SLC6A2: variants seen among roughly 807,000 people sequenced by gnomAD.
SLC6A2 encodes the protein solute carrier family 6 member 2.
SLC6A2 carries 26 observed loss-of-function variants against 71.7 expected under a neutral mutation model. That is an observed-to-expected ratio of 0.36 (90% confidence interval 0.27 to 0.50). SLC6A2 has a LOEUF of 0.50. Ranked by LOEUF, SLC6A2 falls within the 20% of genes least tolerant of loss-of-function variation. The pLI is 0.96. For synonymous variants in SLC6A2, 363 were observed against 337.9 expected (o/e 1.07, Z -0.82); for missense variants, 581 against 803.9 (o/e 0.72, Z 3.35).
chr16:55,660,082 A>T (rs1434939801), intron 2 of SLC6A2, among the ~76,000 whole-genome samples: 9 of 152,146 alleles, frequency 5.9e-5, no homozygotes, highest in African/African-American at 1.9e-4. Flanking sequence ...GCTGCTTAGG[A>T]AGGGCTGGGA....
At chr16:55,665,045 G>A (rs1964711833) in intron 2 of SLC6A2, among the ~76,000 whole-genome samples, 1 of 152,156 alleles carries the variant, frequency 6.6e-6, no homozygotes, top group Admixed American at 6.5e-5. Flanking sequence ...CTGCAAGGCG[G>A]GTGGACATAG....
chr16:55,656,841 C>G lies in SLC6A2; in HGVS notation c.147C>G (p.Arg49=), dbSNP rs751589664. 1.2e-6 allele frequency: 2 copies of G among 1,613,596 alleles called. No homozygotes were observed. Among genetic ancestry groups the G allele is most frequent in the Non-Finnish European group, 1.7e-6 (2 of 1,179,812 alleles). ...GCGTCCAGTGCCTGCTGGCGCCCCGCGACGGCGACGCGCAGCCCCGGGAGA... is the reference window on the plus strand; with the variant it reads ...GCGTCCAGTGCCTGCTGGCGCCCCGGGACGGCGACGCGCAGCCCCGGGAGA... ...RNGVQCLLAP[R]DGDAQPRETW... The change falls in exon 2 of 15, where the codon CGC becomes CGG. Residue 49 remains arginine, a synonymous_variant. Transcript: ENST00000568943. This position sits in a 1 kb window ranked among gnomAD's most constrained non-coding sequence, Gnocchi z 4.5.
intron 4 of SLC6A2, among the ~76,000 whole-genome samples, chr16:55,672,637 C>T (rs1964959229): frequency 6.6e-6 from 1 of 152,162 alleles, no homozygotes; most frequent in Non-Finnish European, 1.5e-5. Flanking sequence ...CCAGGGCAGG[C>T]GATGAGCTGC....
chr16:55,669,123 C>T (rs1342383257), intron 2 of SLC6A2, among the ~76,000 whole-genome samples: 1 of 152,150 alleles, frequency 6.6e-6, no homozygotes, highest in Non-Finnish European at 1.5e-5. Flanking sequence ...GGCACTGTCT[C>T]TTTTTCTCTG....
Position 55,703,598 on chromosome 16 carries a change from G to A in SLC6A2, c.*1252G>A. 4 of 985,412 alleles carry A rather than the reference G, an allele frequency of 4.1e-6. No homozygotes were observed. The highest frequency in any genetic ancestry group is 4.7e-5 in the South Asian group (1 of 21,286). The allele number at this position is 985,412 out of a possible 1,614,324, so 61.0% of individuals were successfully genotyped here. A position where few individuals can be genotyped will look rare whatever the true frequency, so the allele number is the denominator to read the frequency against. On this transcript the variant is annotated 3_prime_UTR_variant, in exon 15 of 15. Coordinates refer to ENST00000568943, the MANE Select transcript of SLC6A2 (RefSeq NM_001172501.3). ...ACAAACTTGCACTTGGTGCCCTCTG[G>A]TGGTGTTTAGTTTTAGTTCCGTAAG...
At position 55,699,633 on chromosome 16, in the gene SLC6A2, C is replaced by T. The variant is rs1286567467; in HGVS notation, c.1569C>T (p.Phe523=). Residue 523 remains phenylalanine, a synonymous_variant, in exon 12 of 15, where the codon TTC becomes TTT. Transcript: ENST00000568943. ...TATACTGGAGACTGTGCTGGAAGTT[C>T]GTCAGTCCTGCCTTCCTCCTGGTGT... ...PGLYWRLCWK[F]VSPAFLLFVV... 3.7e-6 allele frequency: 6 copies of T among 1,613,442 alleles called. No homozygotes were observed. The highest frequency in any genetic ancestry group is 1.3e-5 in the African/African-American group (1 of 74,910).
intron 6 of SLC6A2, among the ~76,000 whole-genome samples, chr16:55,693,629 G>A (rs1454870631): frequency 2.0e-5 from 3 of 152,210 alleles, no homozygotes; most frequent in African/African-American, 7.2e-5. Flanking sequence ...AATGGTCCTC[G>A]CTTTCTGAAA....
Position 55,691,938 on chromosome 16 carries a change from G to A in SLC6A2, c.804G>A (p.Thr268=). 2 of 1,614,050 alleles carry A rather than the reference G, an allele frequency of 1.2e-6. No individual in the cohort carries two copies. The highest frequency in any genetic ancestry group is 1.7e-6 in the Non-Finnish European group (2 of 1,180,008). ...CCCAGGTGGTGTGGATCACAGCCAC[G>A]CTGCCTTACTTCGTGCTGTTCGTGC... is the stretch of plus-strand genomic sequence containing the variant. The part of the protein sequence containing the change: ...TSGKVVWITA[T]LPYFVLFVLL... The change falls in exon 6 of 15, where the codon ACG becomes ACA. Residue 268 remains threonine, a synonymous_variant. Transcript: ENST00000568943.
At chr16:55,692,775 C>T (rs1281203002) in intron 6 of SLC6A2, among the ~76,000 whole-genome samples, 4 of 152,166 alleles carry the variant, frequency 2.6e-5, no homozygotes, top group African/African-American at 9.7e-5. Flanking sequence ...TCCTGGCAGG[C>T]CCCAGCAGCA....
At chr16:55,675,395 T>C (rs1450186271) in intron 4 of SLC6A2, among the ~76,000 whole-genome samples, 1 of 152,242 alleles carries the variant, frequency 6.6e-6, no homozygotes, top group Non-Finnish European at 1.5e-5. Flanking sequence ...CTGCTTAAGA[T>C]CATAGAGTAA....
chr16:55,679,288 C>T (rs1567442125), intron 4 of SLC6A2, among the ~76,000 whole-genome samples: 1 of 151,182 alleles, frequency 6.6e-6, no homozygotes, highest in Non-Finnish European at 1.5e-5. Flanking sequence ...AGGGCAATGG[C>T]TCAATCTTGG....
chr16:55,659,473 C>T (rs1018037707), intron 2 of SLC6A2, among the ~76,000 whole-genome samples: 3 of 152,138 alleles, frequency 2.0e-5, no homozygotes, highest in Non-Finnish European at 4.4e-5. Context: ...GGCACTTTCT[C>T]CCGGGCTTGC....
At chr16:55,677,546 A>G (rs970446901) in intron 4 of SLC6A2, among the ~76,000 whole-genome samples, 1 of 152,128 alleles carries the variant, frequency 6.6e-6, no homozygotes, top group Non-Finnish European at 1.5e-5. Context: ...GACCCTACTT[A>G]CTTTAATTAC....
intron 12 of SLC6A2, 77 bp from the exon 13 acceptor site, chr16:55,700,062 C>T (rs1425941540): frequency 1.6e-6 from 2 of 1,270,462 alleles, no homozygotes; most frequent in Non-Finnish European, 2.3e-6. Flanking sequence ...CACCTTTCTT[C>T]CACCTCCTTC....
chr16:55,669,614 C>T lies in SLC6A2; in HGVS notation c.324C>T (p.Pro108=). 6.2e-7 allele frequency: 1 copy of T among 1,614,078 alleles called. No homozygotes were observed. Among genetic ancestry groups the T allele is most frequent in the Non-Finnish European group, 8.5e-7 (1 of 1,179,992 alleles). The stretch of plus-strand genomic sequence containing the variant: ...TGTTCCTTATCATCGCGGGGATGCC[C>T]CTGTTCTACATGGAGCTGGCTCTGG... ...YTLFLIIAGM[P]LFYMELALGQ... is the part of the protein sequence containing the mutation. The change falls in exon 3 of 15, where the codon CCC becomes CCT. Residue 108 remains proline, a synonymous_variant. Coordinates refer to ENST00000568943, the MANE Select transcript of SLC6A2 (RefSeq NM_001172501.3).
intron 5 of SLC6A2, among the ~76,000 whole-genome samples, chr16:55,686,199 T>C (rs1965446867): frequency 6.6e-6 from 1 of 152,218 alleles, no homozygotes; most frequent in Non-Finnish European, 1.5e-5. Flanking sequence ...TTCCCTGGAC[T>C]ACATGGCTTC....
chr16:55,678,584 A>T (rs1241236104), intron 4 of SLC6A2, among the ~76,000 whole-genome samples: 1 of 151,824 alleles, frequency 6.6e-6, no homozygotes, highest in African/African-American at 2.4e-5. Context: ...GCTAAAAGAA[A>T]CTCTGCAGCT....
chr16:55,671,563 C>G, intron 3 of SLC6A2: 1 of 467,814 alleles, frequency 2.1e-6, no homozygotes, highest in Non-Finnish European at 3.8e-6. Flanking sequence ...ACAGCTGCTC[C>G]CCATCGCTCG....
rs369443610 is a variant in SLC6A2 at position 55,679,806 on chromosome 16, G to T, written c.645-5337G>T. Among the ~76,000 whole-genome samples the T allele has an allele frequency of 4.6e-5, 7 of 152,308 alleles. No individual in the cohort carries two copies. In the East Asian group the frequency reaches 1.2e-3, roughly 25 times the overall value. ...TGAAAGGCAGGGTGTGGCAAGGCCA[G>T]GGATGAACTTGGCACGGGATGGACT... is the stretch of plus-strand genomic sequence containing the variant. On this transcript the variant is annotated intron_variant, in intron 4 of 14. Transcript: ENST00000568943.
Sources: allele counts gnomAD v4.1 joint callset (sites outside exome capture counted in the v4.1 genomes callset), GRCh38; gene constraint gnomAD v4.1.1; non-coding constraint Gnocchi (gnomAD v3.1); transcripts MANE v1.5; gene names NCBI Gene and HGNC (gene_info 2026-07-23, HGNC 2026-07-21).